Variants in TNR observed in about 807,000 individuals in gnomAD.
TNR encodes tenascin-R.
TNR carries 45 observed loss-of-function variants against 150.4 expected under a neutral mutation model. The observed-to-expected ratio is 0.30, with a 90% CI of 0.24 to 0.38. The LOEUF is 0.38. Among genes scored for constraint, TNR ranks in the 10% least tolerant of loss-of-function variants. TNR has a pLI of 1.00. For missense variants in TNR, 1,544 were observed against 1,759.1 expected, an observed-to-expected ratio of 0.88 and a Z score of 2.19; for synonymous variants, 687 against 678.4, an observed-to-expected ratio of 1.01 and a Z score of -0.20.
In TNR at chr1:175,430,972, G is replaced by A. The variant is rs77843332; in HGVS notation, c.-63-24195C>T. Among the ~76,000 whole-genome samples, 156 of 152,144 alleles carry A rather than the reference G, an allele frequency of 1.0e-3. 1 individual carries two copies. Among genetic ancestry groups the A allele is most frequent in the African/African-American group, 3.6e-3 (149 of 41,506 alleles). On this transcript the variant is annotated intron_variant, in intron 2 of 22. Coordinates refer to ENST00000367674, the MANE Select transcript of TNR (RefSeq NM_003285.3). ...TTGGAGTCTATCTGAGGTCCAATTT[G>A]GGCATCCTTATGTTGCATATCTATA...
intron 2 of TNR, among the ~76,000 whole-genome samples, chr1:175,521,578 T>C (rs750825278): frequency 6.6e-6 from 1 of 152,244 alleles, no homozygotes; most frequent in African/African-American, 2.4e-5. Flanking sequence ...ATGTGAGTGG[T>C]AGCTGCTCTA....
At chr1:175,591,585 A>C (rs73050438) in intron 1 of TNR, among the ~76,000 whole-genome samples, 1,751 of 152,318 alleles carry the variant, frequency 0.011, 24 homozygotes, top group African/African-American at 0.036. Flanking sequence ...TGGGGTGGTG[A>C]CATGAAGGGG....
At chr1:175,404,488 G>T (rs142291577) in intron 3 of TNR, among the ~76,000 whole-genome samples, 15 of 152,162 alleles carry the variant, frequency 9.9e-5, no homozygotes, top group Non-Finnish European at 1.8e-4. Context: ...TAATTTATCT[G>T]CCTAGCATGA....
At chr1:175,365,372 T>C (rs1651786538) in intron 11 of TNR, 93 bp from the exon 12 acceptor site, 2 of 1,416,476 alleles carry the variant, frequency 1.4e-6, no homozygotes, top group Admixed American at 2.6e-5. Context: ...CCTGCTCTCC[T>C]TGCTAATAAG....
At chr1:175,731,140 G>A (rs776033259) in intron 1 of TNR, among the ~76,000 whole-genome samples, 2 of 152,212 alleles carry the variant, frequency 1.3e-5, no homozygotes, top group Non-Finnish European at 2.9e-5. Context: ...ATACTGCAGA[G>A]CCCATGAAGC....
chr1:175,440,983 G>A (rs2105913), intron 2 of TNR, among the ~76,000 whole-genome samples: 76,742 of 151,902 alleles, frequency 0.51, 21,532 homozygotes, highest in African/African-American at 0.76. Context: ...TGGCCATAAA[G>A]GCAAGCTGAT....
intron 18 of TNR, among the ~76,000 whole-genome samples, chr1:175,348,792 T>C (rs147550280): frequency 1.3e-5 from 2 of 152,260 alleles, no homozygotes; most frequent in East Asian, 1.9e-4. Flanking sequence ...GAAATAAATC[T>C]AGAAAGTTAA....
At chr1:175,565,930 C>T (rs1293140560) in intron 1 of TNR, among the ~76,000 whole-genome samples, 1 of 152,110 alleles carries the variant, frequency 6.6e-6, no homozygotes, top group African/African-American at 2.4e-5. Context: ...TGGACTCAGA[C>T]CTGGCCCTCA....
rs764521729 is a variant in TNR, at chr1:175,354,315, G to A, written c.3382+76C>T. 4.4e-5 allele frequency: 68 copies of A among 1,559,260 alleles called. No homozygotes were observed. The Admixed American group carries it at 9.9e-4, about 23-fold the overall frequency. On this transcript the variant is annotated intron_variant, in intron 18 of 22. Transcript: ENST00000367674. Reference sequence around the variant, plus strand: ...TTTTGATAAACTGCTCCCAGAGCAAGTCTCAGCAGAGGCTGCTGATGAGCC... The same window carrying A: ...TTTTGATAAACTGCTCCCAGAGCAAATCTCAGCAGAGGCTGCTGATGAGCC...
At position 175,433,730 on chromosome 1, in the gene TNR, A is replaced by T. The variant is rs565109741; in HGVS notation, c.-63-26953T>A. Among the ~76,000 whole-genome samples, 21 of 152,328 alleles carry T rather than the reference A, an allele frequency of 1.4e-4. No individual in the cohort carries two copies. In the South Asian group the frequency reaches 4.1e-3, roughly 30 times the overall value. The stretch of plus-strand genomic sequence containing the variant: ...AGTGATTTACAGTTCCCTTGGAAAC[A>T]TGAAAAAGTTTGGGTCTAAATTTAG... On this transcript the variant is annotated intron_variant, in intron 2 of 22. Transcript: ENST00000367674.
intron 2 of TNR, among the ~76,000 whole-genome samples, chr1:175,491,476 A>G (rs1295733547): frequency 6.6e-6 from 1 of 152,146 alleles, no homozygotes; most frequent in Non-Finnish European, 1.5e-5. Context: ...ACCTGCTTAC[A>G]GGGAGAAAGG....
intron 18 of TNR, among the ~76,000 whole-genome samples, chr1:175,344,668 T>C (rs1650691981): frequency 6.6e-6 from 1 of 152,196 alleles, no homozygotes; most frequent in Non-Finnish European, 1.5e-5. Context: ...AATGAAAAGA[T>C]AACCTGAATA....
chr1:175,715,845 T>C (rs1423968479), intron 1 of TNR, among the ~76,000 whole-genome samples: 1 of 152,184 alleles, frequency 6.6e-6, no homozygotes, highest in Non-Finnish European at 1.5e-5. Flanking sequence ...GGTGGCAAAA[T>C]GAGCTCAGAT....
chr1:175,344,042 C>A (rs1650653141), intron 18 of TNR, among the ~76,000 whole-genome samples: 1 of 152,194 alleles, frequency 6.6e-6, no homozygotes, highest in Non-Finnish European at 1.5e-5. Context: ...AGCAAGAAAG[C>A]ACTCCACAAG....
At chr1:175,381,946 C>G (rs1334468579) in intron 8 of TNR, among the ~76,000 whole-genome samples, 2 of 152,188 alleles carry the variant, frequency 1.3e-5, no homozygotes, top group Non-Finnish European at 2.9e-5. Flanking sequence ...TTATTCATAC[C>G]TCAGGACCTT....
chr1:175,597,978 A>G (rs541164459), intron 1 of TNR, among the ~76,000 whole-genome samples: 13 of 152,308 alleles, frequency 8.5e-5, no homozygotes, highest in African/African-American at 2.6e-4. Flanking sequence ...CTTCTCAAGA[A>G]GTTCACAAGA....
chr1:175,440,985 CA>C lies in TNR; in HGVS notation c.-63-34209del, dbSNP rs1198914412. On this transcript the variant is annotated intron_variant, in intron 2 of 22. Coordinates refer to ENST00000367674, the MANE Select transcript of TNR (RefSeq NM_003285.3). ...AAGGTACTGTATATGGCCATAAAGG[CA>C]AGCTGATTGGTAGATGAAAAGGTGG... 1.3e-4 allele frequency among the ~76,000 whole-genome samples: 20 copies of C among 152,206 alleles called. No homozygotes were observed. In the Middle Eastern group the frequency reaches 0.017, roughly 129 times the overall value.
intron 1 of TNR, among the ~76,000 whole-genome samples, chr1:175,606,185 C>A (rs781430157): frequency 6.6e-6 from 1 of 152,080 alleles, no homozygotes; most frequent in Non-Finnish European, 1.5e-5. Flanking sequence ...CTTCTTCAGG[C>A]GCCAAGGTTT....
chr1:175,502,176 A>G (rs1469209344), intron 2 of TNR, among the ~76,000 whole-genome samples: 1 of 152,130 alleles, frequency 6.6e-6, no homozygotes, highest in Non-Finnish European at 1.5e-5. Context: ...CTGGGGTGGG[A>G]GTCTAACTCA....
Sources: allele counts gnomAD v4.1 joint callset (sites outside exome capture counted in the v4.1 genomes callset), GRCh38; gene constraint gnomAD v4.1.1; transcripts MANE v1.5; gene names NCBI Gene and HGNC (gene_info 2026-07-23, HGNC 2026-07-21).